C8orf34: variants seen among roughly 807,000 people sequenced by gnomAD.
The protein encoded by C8orf34 is chromosome 8 open reading frame 34.
A neutral mutation model predicts 68.3 loss-of-function variants in C8orf34; 65 were observed. The ratio of observed to expected loss-of-function variants is 0.95; its 90% CI spans 0.78 to 1.17. C8orf34 has a LOEUF of 1.17. Ranked by LOEUF, C8orf34 falls within the 50% of genes most tolerant of loss-of-function variation. C8orf34 has a pLI of 0.00. For synonymous variants in C8orf34, 244 were observed against 241.2 expected, an observed-to-expected ratio of 1.01 and a Z score of -0.11; for missense variants, 664 against 655.4, an observed-to-expected ratio of 1.01 and a Z score of -0.14.
chr8:68,541,757 A>T (rs966973984), intron 7 of C8orf34, among the ~76,000 whole-genome samples: 5 of 152,192 alleles, frequency 3.3e-5, no homozygotes, highest in Admixed American at 2.0e-4. Context: ...CAACTTTCTG[A>T]AAAGATCATG....
chr8:68,428,836 G>A (rs1810335683), intron 1 of C8orf34, among the ~76,000 whole-genome samples: 1 of 152,082 alleles, frequency 6.6e-6, no homozygotes, highest in South Asian at 2.1e-4. Context: ...GGCAGTCCTT[G>A]TAGCTAAAAG....
At chr8:68,692,193 G>T (rs1254463012) in intron 8 of C8orf34, among the ~76,000 whole-genome samples, 1 of 152,014 alleles carries the variant, frequency 6.6e-6, no homozygotes, top group Non-Finnish European at 1.5e-5. Flanking sequence ...GAACAGAAGA[G>T]AAGGAACTAC....
chr8:68,597,939 T>G (rs1226887467), intron 7 of C8orf34, among the ~76,000 whole-genome samples: 1 of 152,162 alleles, frequency 6.6e-6, no homozygotes, highest in Non-Finnish European at 1.5e-5. Flanking sequence ...TTAAAGTACT[T>G]TTGAATTGTG....
chr8:68,457,603 A>G (rs964414407), intron 3 of C8orf34, among the ~76,000 whole-genome samples: 5 of 152,212 alleles, frequency 3.3e-5, no homozygotes, highest in African/African-American at 1.2e-4. Context: ...TTGAATTAGA[A>G]TTTGATGACT....
At chr8:68,531,859 G>T (rs1586330298) in intron 6 of C8orf34, among the ~76,000 whole-genome samples, 1 of 152,132 alleles carries the variant, frequency 6.6e-6, no homozygotes, top group Non-Finnish European at 1.5e-5. Context: ...TAGCAGCAGG[G>T]CTCCTTGCAA....
At chr8:68,618,731 C>T (rs1304343798) in intron 7 of C8orf34, among the ~76,000 whole-genome samples, 1 of 152,100 alleles carries the variant, frequency 6.6e-6, no homozygotes, top group East Asian at 1.9e-4. Flanking sequence ...ACTATAAAAT[C>T]AGCAAATAGC....
chr8:68,405,227 G>A (rs1355895197), intron 1 of C8orf34, among the ~76,000 whole-genome samples: 1 of 152,032 alleles, frequency 6.6e-6, no homozygotes, highest in Non-Finnish European at 1.5e-5. Context: ...TTGGCATAGG[G>A]CTCTTACGTT....
chr8:68,766,760 A>G (rs572194426), intron 10 of C8orf34, among the ~76,000 whole-genome samples: 2 of 152,354 alleles, frequency 1.3e-5, no homozygotes, highest in East Asian at 1.9e-4. Context: ...GTAGTTTAAT[A>G]TTAGAAATAG....
intron 8 of C8orf34, among the ~76,000 whole-genome samples, chr8:68,702,076 A>T (rs1006447270): frequency 1.3e-5 from 2 of 152,064 alleles, no homozygotes; most frequent in African/African-American, 4.8e-5. Flanking sequence ...TTTCTTATCA[A>T]CATCTGATTC....
At chr8:68,776,868 A>G (rs1447534732) in intron 11 of C8orf34, among the ~76,000 whole-genome samples, 2 of 152,248 alleles carry the variant, frequency 1.3e-5, no homozygotes, top group Non-Finnish European at 2.9e-5. Flanking sequence ...GATGATATTC[A>G]TACATGCCAT....
At chr8:68,673,616 C>G (rs1167766649) in intron 8 of C8orf34, among the ~76,000 whole-genome samples, 2 of 152,150 alleles carry the variant, frequency 1.3e-5, no homozygotes, top group Non-Finnish European at 2.9e-5. Context: ...AGCTCATCCA[C>G]AGTAGAATAC....
At chr8:68,599,071 A>T (rs1048920025) in intron 7 of C8orf34, among the ~76,000 whole-genome samples, 3 of 152,124 alleles carry the variant, frequency 2.0e-5, no homozygotes, top group Admixed American at 6.6e-5. Context: ...GTTAATATAG[A>T]AATTCAATAT....
intron 7 of C8orf34, among the ~76,000 whole-genome samples, chr8:68,618,047 C>A (rs1339711141): frequency 6.6e-6 from 1 of 151,608 alleles, no homozygotes; most frequent in East Asian, 1.9e-4. Flanking sequence ...CCATCTATAC[C>A]CTTCCTATTT....
intron 3 of C8orf34, among the ~76,000 whole-genome samples, chr8:68,460,550 G>A (rs1291855209): frequency 2.0e-5 from 3 of 152,134 alleles, no homozygotes; most frequent in Admixed American, 6.5e-5. Flanking sequence ...CCCCAGTAGC[G>A]GCAGACTGAC....
intron 7 of C8orf34, among the ~76,000 whole-genome samples, chr8:68,623,156 C>A (rs1293855559): frequency 6.6e-6 from 1 of 152,170 alleles, no homozygotes; most frequent in African/African-American, 2.4e-5. Flanking sequence ...ATTGCTTAGC[C>A]GAACCTGGCC....
chr8:68,645,890 C>T (rs58619671), intron 8 of C8orf34, among the ~76,000 whole-genome samples: 10,760 of 152,026 alleles, frequency 0.071, 546 homozygotes, highest in African/African-American at 0.14. Flanking sequence ...CTAAATAGGG[C>T]GCTTTGGCAT....
intron 1 of C8orf34, among the ~76,000 whole-genome samples, chr8:68,380,022 AT>A (rs1807965516): frequency 6.6e-6 from 1 of 151,922 alleles, no homozygotes; most frequent in Admixed American, 6.6e-5. Flanking sequence ...CCCCCTTCTA[AT>A]TTTATTTTTT....
At chr8:68,768,564 G>A (rs955794759) in intron 10 of C8orf34, among the ~76,000 whole-genome samples, 1 of 152,034 alleles carries the variant, frequency 6.6e-6, no homozygotes, top group Non-Finnish European at 1.5e-5. Context: ...TCAATGAAAA[G>A]TGACTCTAGA....
chr8:68,348,306 T>G (rs1806365996), intron 1 of C8orf34, among the ~76,000 whole-genome samples: 1 of 152,110 alleles, frequency 6.6e-6, no homozygotes, highest in South Asian at 2.1e-4. Flanking sequence ...CTCTCTATTC[T>G]GTTCCACTGG....
Sources: gnomAD v4.1 joint callset for allele counts (sites outside exome capture counted in the v4.1 genomes callset) on GRCh38, gnomAD v4.1.1 for gene constraint, MANE v1.5 for transcripts, NCBI Gene and HGNC (gene_info 2026-07-23, HGNC 2026-07-21) for gene names.